ECSCR: variants seen among roughly 807,000 people sequenced by gnomAD.
The protein encoded by ECSCR is endothelial cell-specific chemotaxis regulator.
ECSCR carries 12 observed loss-of-function variants against 16.7 expected under a neutral mutation model. That is an observed-to-expected ratio of 0.72 (90% CI 0.46 to 1.17). The LOEUF (loss-of-function observed/expected upper bound fraction) is 1.17. Among genes scored for constraint, ECSCR ranks in the 50% most tolerant of loss-of-function variants. The pLI is 0.00. For missense variants in ECSCR, 122 were observed against 116.1 expected, an observed-to-expected ratio of 1.05 and a Z score of -0.23; for synonymous variants, 44 against 42.2, an observed-to-expected ratio of 1.04 and a Z score of -0.17.
At chr5:139,459,527 G>A (rs1235472364) in intron 1 of ECSCR, among the ~76,000 whole-genome samples, 2 of 152,190 alleles carry the variant, frequency 1.3e-5, no homozygotes, top group South Asian at 2.1e-4. Flanking sequence ...GTGCATGCTC[G>A]TGTGCCCTTG....
chr5:139,452,047 T>C (rs1183813966), intron 8 of ECSCR, among the ~76,000 whole-genome samples: 1 of 141,034 alleles, frequency 7.1e-6, no homozygotes, highest in Non-Finnish European at 1.6e-5. Flanking sequence ...TGTTGTGTGT[T>C]TGTGGTGTAT....
At chr5:139,462,042 C>T (rs1372076599) in intron 1 of ECSCR, among the ~76,000 whole-genome samples, 2 of 152,172 alleles carry the variant, frequency 1.3e-5, no homozygotes, top group Non-Finnish European at 2.9e-5. Flanking sequence ...CTACTCTAGC[C>T]CCCTGGATGT....
In ECSCR at chr5:139,448,736, TC is replaced by T; in HGVS notation, c.*163del. 1 of 1,441,284 alleles carries T rather than the reference TC, an allele frequency of 6.9e-7. No individual in the cohort carries two copies. The highest frequency in any genetic ancestry group is 9.1e-7 in the Non-Finnish European group (1 of 1,103,082). 89.3% of individuals were successfully genotyped at this position (1,441,284 alleles called of 1,614,324 possible). A position where few individuals can be genotyped will look rare whatever the true frequency, so the allele number is the denominator to read the frequency against. On this transcript the variant is annotated 3_prime_UTR_variant, in exon 10 of 10. Coordinates refer to ENST00000618155, the MANE Select transcript of ECSCR (RefSeq NM_001077693.4). ...AGAGTCTCCCCTGTTGGTAGCTTGC[TC>T]CCAGATCTGGGGCAATGCTAGTGTC...
At chr5:139,450,032 T>C (rs919483060) in intron 8 of ECSCR, among the ~76,000 whole-genome samples, 1 of 152,090 alleles carries the variant, frequency 6.6e-6, no homozygotes, top group Non-Finnish European at 1.5e-5. Flanking sequence ...GTAGCTGGGA[T>C]TATAGGCACC....
intron 1 of ECSCR, among the ~76,000 whole-genome samples, chr5:139,461,165 A>G (rs940578817): frequency 6.6e-6 from 1 of 152,176 alleles, no homozygotes; most frequent in African/African-American, 2.4e-5. Context: ...TGTCTCAAAA[A>G]TAACTAAGTA....
chr5:139,452,224 A>AT (rs1308858863), intron 8 of ECSCR, among the ~76,000 whole-genome samples: 1 of 71,600 alleles, frequency 1.4e-5, no homozygotes, highest in African/African-American at 5.6e-5. Context: ...TGTGGTGTGT[A>AT]GGGGTGTGTG....
chr5:139,462,688 C>A lies in ECSCR; in HGVS notation c.-18G>T. The A allele has an allele frequency of 1.5e-6, 2 of 1,327,532 alleles. No individual in the cohort carries two copies. Among genetic ancestry groups the A allele is most frequent in the South Asian group, 1.2e-5 (1 of 82,812 alleles). The allele number at this position is 1,327,532 out of a possible 1,614,324, so 82.2% of individuals were successfully genotyped here. A position where few individuals can be genotyped will look rare whatever the true frequency, so the allele number is the denominator to read the frequency against. On this transcript the variant is annotated 5_prime_UTR_variant, in exon 1 of 10. Transcript: ENST00000618155. ...GTGCCCATGTCAGCTGGGTATGTGGCGGGCAGGCAGCAGCTCAGTGGAGGC... is the reference window on the plus strand; with the variant it reads ...GTGCCCATGTCAGCTGGGTATGTGGAGGGCAGGCAGCAGCTCAGTGGAGGC...
intron 2 of ECSCR, 82 bp from the exon 3 acceptor site, chr5:139,457,889 C>T (rs1007108773): frequency 6.9e-7 from 1 of 1,452,656 alleles, no homozygotes. Flanking sequence ...ATCTGTGTGT[C>T]TTTCTCCCTA....
Position 139,448,901 on chromosome 5 carries a change from T to C in ECSCR, c.617A>G (p.Ter206=). The change falls in exon 10 of 10, where the codon TAA becomes TGA. Residue 206 remains the stop codon, a stop_retained_variant. Coordinates refer to ENST00000618155, the MANE Select transcript of ECSCR (RefSeq NM_001077693.4). ...ACTCATGGGGACCCAAAGTTGCTTT[T>C]AAAGAACCTGCAAAATAAATGCATA... ...KQSLSAEKVL[*] is the part of the protein sequence containing the mutation. The C allele has an allele frequency of 6.5e-7, 1 of 1,537,246 alleles. No homozygotes were observed. Among genetic ancestry groups the C allele is most frequent in the East Asian group, 2.4e-5 (1 of 40,926 alleles).
At chr5:139,460,336 A>G (rs1751269297) in intron 1 of ECSCR, among the ~76,000 whole-genome samples, 1 of 152,068 alleles carries the variant, frequency 6.6e-6, no homozygotes, top group Non-Finnish European at 1.5e-5. Flanking sequence ...GGGTTTCACC[A>G]TGTTGGCCAG....
chr5:139,455,513 C>T (rs1487867285), intron 5 of ECSCR, 77 bp from the exon 6 acceptor site: 5 of 393,626 alleles, frequency 1.3e-5, no homozygotes, highest in African/African-American at 8.2e-5. Context: ...CCTCCCGCTT[C>T]CCCCTAGGGA....
At chr5:139,460,228 C>G (rs535324332) in intron 1 of ECSCR, among the ~76,000 whole-genome samples, 1 of 152,016 alleles carries the variant, frequency 6.6e-6, no homozygotes, top group Non-Finnish European at 1.5e-5. Context: ...CTCCGCCTCC[C>G]GGGCTCAAGC....
At chr5:139,458,220 C>A in intron 1 of ECSCR, 37 bp from the exon 2 acceptor site, 1 of 1,543,828 alleles carries the variant, frequency 6.5e-7, no homozygotes, top group Non-Finnish European at 8.8e-7. Context: ...TTGGTAAGTC[C>A]CCTGCCCAGC....
At chr5:139,458,225 C>T in intron 1 of ECSCR, 42 bp from the exon 2 acceptor site, 1 of 1,539,718 alleles carries the variant, frequency 6.5e-7, no homozygotes. Flanking sequence ...AAGTCCCCTG[C>T]CCAGCACAGA....
chr5:139,456,556 C>G, intron 4 of ECSCR, 38 bp from the exon 5 acceptor site: 2 of 398,660 alleles, frequency 5.0e-6, no homozygotes, highest in Non-Finnish European at 8.8e-6. Context: ...TGGGGGCATC[C>G]CCCAGCAGCT....
intron 8 of ECSCR, among the ~76,000 whole-genome samples, chr5:139,451,917 T>C (rs1751060627): frequency 6.9e-6 from 1 of 145,538 alleles, no homozygotes. Flanking sequence ...GGATGTGTGG[T>C]GTATGGGGCA....
rs559948538 is a variant in ECSCR, at chr5:139,460,430, T to C, written c.61+2180A>G. On this transcript the variant is annotated intron_variant, in intron 1 of 9. Coordinates refer to ENST00000618155, the MANE Select transcript of ECSCR (RefSeq NM_001077693.4). ...GATCACAGGCGTGAGCCACCGAGCC[T>C]GGCCTAATGTACTATCTAAATGCTG... is the stretch of plus-strand genomic sequence containing the variant. 7.2e-5 allele frequency among the ~76,000 whole-genome samples: 11 copies of C among 152,314 alleles called. No individual in the cohort carries two copies. In the South Asian group the frequency reaches 2.3e-3, roughly 32 times the overall value.
chr5:139,453,987 A>G (rs1751100725), intron 8 of ECSCR, among the ~76,000 whole-genome samples: 1 of 120,362 alleles, frequency 8.3e-6, no homozygotes, highest in Non-Finnish European at 1.7e-5. Context: ...GGCATGTGGT[A>G]TGTTTGAGGT....
At chr5:139,461,140 G>T (rs1452888513) in intron 1 of ECSCR, among the ~76,000 whole-genome samples, 1 of 152,128 alleles carries the variant, frequency 6.6e-6, no homozygotes, top group Non-Finnish European at 1.5e-5. Flanking sequence ...TCTGGCCTGC[G>T]CAATGGAGCA....
Sources: gnomAD v4.1 joint callset for allele counts (sites outside exome capture counted in the v4.1 genomes callset) on GRCh38, gnomAD v4.1.1 for gene constraint, MANE v1.5 for transcripts, NCBI Gene and HGNC (gene_info 2026-07-23, HGNC 2026-07-21) for gene names.